NXPE3: variants seen among roughly 807,000 people sequenced by gnomAD.
NXPE3 encodes NXPE family member 3.
Under a neutral mutation model 46.1 loss-of-function variants are expected in NXPE3, and 26 were observed. The ratio of observed to expected loss-of-function variants is 0.56; its 90% CI spans 0.41 to 0.78. The LOEUF is 0.78. Among genes scored for constraint, NXPE3 ranks in the 30% least tolerant of loss-of-function variants. The pLI, the probability that NXPE3 is intolerant of heterozygous loss-of-function variation, is 0.00. For synonymous variants in NXPE3, 272 were observed against 257.9 expected, an observed-to-expected ratio of 1.05 and a Z score of -0.52; for missense variants, 620 against 686.0, an observed-to-expected ratio of 0.90 and a Z score of 1.07.
intron 6 of NXPE3, among the ~76,000 whole-genome samples, chr3:101,810,820 G>T (rs2929921): frequency 0.98 from 148,456 of 151,780 alleles, 72,626 homozygotes; most frequent in East Asian, 0.99. Flanking sequence ...AACTTTTTTT[G>T]TTGTTTTTTT....
intron 6 of NXPE3, among the ~76,000 whole-genome samples, chr3:101,815,671 C>A (rs1191106262): frequency 6.6e-6 from 1 of 151,894 alleles, no homozygotes; most frequent in Non-Finnish European, 1.5e-5. Flanking sequence ...TGAGATCAGC[C>A]TGGCCAACAT....
intron 6 of NXPE3, among the ~76,000 whole-genome samples, chr3:101,814,099 T>A (rs1941854712): frequency 3.9e-5 from 6 of 152,256 alleles, no homozygotes; most frequent in Admixed American, 3.9e-4. Flanking sequence ...TACTTTTCTT[T>A]ATAACACATA....
chr3:101,820,938 T>C (rs1468618775), intron 7 of NXPE3, among the ~76,000 whole-genome samples: 1 of 152,142 alleles, frequency 6.6e-6, no homozygotes, highest in Non-Finnish European at 1.5e-5. Context: ...GCTTAAAACC[T>C]GGGTGATGAA....
chr3:101,810,644 G>A (rs1941664376), intron 6 of NXPE3, among the ~76,000 whole-genome samples: 1 of 152,168 alleles, frequency 6.6e-6, no homozygotes, highest in Non-Finnish European at 1.5e-5. Flanking sequence ...GATTCCATGT[G>A]AGGGAGATTC....
At chr3:101,820,942 T>C (rs1352175885) in intron 7 of NXPE3, among the ~76,000 whole-genome samples, 6 of 152,026 alleles carry the variant, frequency 3.9e-5, no homozygotes, top group Non-Finnish European at 8.8e-5. Context: ...AAAACCTGGG[T>C]GATGAAATAA....
In NXPE3 at chr3:101,793,293, A is replaced by G. The variant is rs546094744; in HGVS notation, c.93+7604A>G. ...CCTGATCCTCTGGCTAGGATTTCCA[A>G]TGTTGAATATAAGTGGTGAGAGGTG... On this transcript the variant is annotated intron_variant, in intron 4 of 7. Coordinates refer to ENST00000273347, the MANE Select transcript of NXPE3 (RefSeq NM_145037.4). Among the ~76,000 whole-genome samples the G allele has an allele frequency of 9.2e-5, 14 of 152,248 alleles. 1 individual carries two copies. Among genetic ancestry groups the G allele is most frequent in the East Asian group, 3.9e-4 (2 of 5,186 alleles).
Position 101,825,579 on chromosome 3 carries a change from T to A in NXPE3, c.*3625T>A, listed in dbSNP as rs182724612. 61 of 152,246 alleles carry A rather than the reference T, an allele frequency of 4.0e-4. No homozygotes were observed. Among genetic ancestry groups the A allele is most frequent in the African/African-American group, 1.4e-3 (60 of 41,562 alleles). 9.4% of individuals were successfully genotyped at this position (152,246 alleles called of 1,614,324 possible). A position where few individuals can be genotyped will look rare whatever the true frequency, so the allele number is the denominator to read the frequency against. ...GCATTTAGGTATATTTTCTTGCAGG[T>A]TTTTTAACCATATACTTATAGAGAA... On this transcript the variant is annotated 3_prime_UTR_variant, in exon 8 of 8. Transcript: ENST00000273347.
In NXPE3 at chr3:101,785,681, C is replaced by G; in HGVS notation, c.85C>G (p.Gln29Glu). 6.2e-7 allele frequency: 1 copy of G among 1,613,526 alleles called. No individual in the cohort carries two copies. Among genetic ancestry groups the G allele is most frequent in the Non-Finnish European group, 8.5e-7 (1 of 1,179,566 alleles). ...MVVVLVINVTQVEYLDHETVS... is the reference protein window; with the variant it reads ...MVVVLVINVTEVEYLDHETVS... ...GGTGGTGCTGGTCATCAATGTTACTCAGGTAGAGGTGAGTACCCAGTATAA... is the reference window on the plus strand; with the variant it reads ...GGTGGTGCTGGTCATCAATGTTACTGAGGTAGAGGTGAGTACCCAGTATAA... The change falls in exon 4 of 8, where the codon CAG (glutamine) becomes GAG (glutamate). Residue 29 changes from glutamine to glutamate, a missense_variant. Transcript: ENST00000273347.
rs140365798 is a variant in NXPE3 at position 101,820,635 on chromosome 3, A to C, written c.1130-769A>C. ...AGACGTGGAATCAACCTAAATGCCC[A>C]TCAGTGACAGACTGGATAAAGAAAA... On this transcript the variant is annotated intron_variant, in intron 7 of 7. Coordinates refer to ENST00000273347, the MANE Select transcript of NXPE3 (RefSeq NM_145037.4). Among the ~76,000 whole-genome samples, 231 of 152,380 alleles carry C rather than the reference A, an allele frequency of 1.5e-3. 2 individuals are homozygous for C. Among genetic ancestry groups the C allele is most frequent in the African/African-American group, 5.3e-3 (220 of 41,588 alleles).
intron 6 of NXPE3, among the ~76,000 whole-genome samples, chr3:101,811,756 A>T (rs1321491406): frequency 1.5e-5 from 2 of 137,012 alleles, no homozygotes; most frequent in Admixed American, 7.4e-5. Flanking sequence ...TTTTTTGAGA[A>T]GGTGTCTCGC....
intron 5 of NXPE3, 86 bp downstream of exon 5, chr3:101,802,075 ATG>A (rs1941192313): frequency 3.8e-6 from 5 of 1,327,076 alleles, no homozygotes; most frequent in Non-Finnish European, 4.1e-6. Flanking sequence ...GGTATTCGGT[ATG>A]TGTTTCTTAC....
At chr3:101,808,828 T>G (rs993104785) in intron 6 of NXPE3, among the ~76,000 whole-genome samples, 4 of 96,498 alleles carry the variant, frequency 4.1e-5, no homozygotes, top group Non-Finnish European at 8.3e-5. Context: ...GATATATATA[T>G]ATATATATAT....
chr3:101,801,339 T>C lies in NXPE3; in HGVS notation c.198T>C (p.Asp66=). The change falls in exon 5 of 8, where the codon GAT becomes GAC. Residue 66 remains aspartate (D), a synonymous_variant. Transcript: ENST00000273347. ...GISRNPYCGY[D]QQTLSSQERM... Reference sequence around the variant, plus strand: ...GCCGAAATCCCTACTGTGGCTATGATCAGCAGACCCTGTCCAGCCAGGAGC... The same window carrying C: ...GCCGAAATCCCTACTGTGGCTATGACCAGCAGACCCTGTCCAGCCAGGAGC... 3.7e-6 allele frequency: 6 copies of C among 1,614,178 alleles called. No individual in the cohort carries two copies. The highest frequency in any genetic ancestry group is 4.2e-6 in the Non-Finnish European group (5 of 1,180,038).
intron 5 of NXPE3, among the ~76,000 whole-genome samples, chr3:101,804,565 C>T (rs1322996329): frequency 2.0e-5 from 3 of 152,146 alleles, no homozygotes; most frequent in African/African-American, 7.2e-5. Flanking sequence ...ATAAGGCCAT[C>T]TGAAAAGAAA....
intron 4 of NXPE3, among the ~76,000 whole-genome samples, chr3:101,791,448 C>T (rs113932299): frequency 5.3e-5 from 8 of 152,260 alleles, no homozygotes; most frequent in South Asian, 2.1e-4. Context: ...TGCAATGGCA[C>T]GATCTCTGCT....
intron 6 of NXPE3, among the ~76,000 whole-genome samples, chr3:101,811,377 A>G (rs928424494): frequency 1.3e-5 from 2 of 152,244 alleles, no homozygotes; most frequent in Non-Finnish European, 2.9e-5. Flanking sequence ...GGATGTTTCC[A>G]GGACCCTAGC....
intron 5 of NXPE3, 57 bp from the exon 6 acceptor site, chr3:101,806,996 A>G (rs1213496315): frequency 7.1e-6 from 8 of 1,132,684 alleles, no homozygotes; most frequent in Non-Finnish European, 9.4e-6. Flanking sequence ...ATAAAGACAT[A>G]TATCTGAAAA....
intron 3 of NXPE3, among the ~76,000 whole-genome samples, chr3:101,783,512 G>A (rs1448459868): frequency 6.6e-6 from 1 of 152,204 alleles, no homozygotes; most frequent in African/African-American, 2.4e-5. Flanking sequence ...ATTGTCAGTA[G>A]AAGCCTCTAG....
At chr3:101,800,896 T>C (rs969451940) in intron 4 of NXPE3, among the ~76,000 whole-genome samples, 10 of 152,186 alleles carry the variant, frequency 6.6e-5, no homozygotes, top group African/African-American at 2.4e-4. Flanking sequence ...CATCTTAGGT[T>C]GGACTGGGTG....
Sources: allele counts gnomAD v4.1 joint callset (sites outside exome capture counted in the v4.1 genomes callset), GRCh38; gene constraint gnomAD v4.1.1; transcripts MANE v1.5; gene names NCBI Gene and HGNC (gene_info 2026-07-23, HGNC 2026-07-21).